The following MRC2 variants were observed in gnomAD, a reference collection of about 807,000 sequenced individuals.
MRC2 encodes the protein C-type mannose receptor 2.
MRC2 carries 84 observed loss-of-function variants against 206.2 expected under a neutral mutation model. The ratio of observed to expected loss-of-function variants is 0.41; its 90% CI spans 0.34 to 0.49. MRC2 has a LOEUF of 0.49. MRC2 is among the 20% of genes least tolerant of loss of function. The pLI is 0.31. For synonymous variants in MRC2, 798 were observed against 800.0 expected (o/e 1.00, Z 0.04); for missense variants, 1,676 against 2,001.5 (o/e 0.84, Z 3.10).
At chr17:62,630,281 CATTT>C (rs1312466216) in intron 1 of MRC2, among the ~76,000 whole-genome samples, 3 of 152,200 alleles carry the variant, frequency 2.0e-5, no homozygotes, top group African/African-American at 7.2e-5. Context: ...GTTCCCATTT[CATTT>C]TGATAACAAC....
In MRC2 at chr17:62,688,956, C is replaced by G. The variant is rs766792679; in HGVS notation, c.3330C>G (p.Gly1110=). Residue 1110 remains glycine, a synonymous_variant, in exon 23 of 30, where the codon GGC becomes GGG. Coordinates refer to ENST00000303375, the MANE Select transcript of MRC2 (RefSeq NM_006039.5). ...CCCATGGCTTCATCTGCCAGAAGGG[C>G]ACGGGTATGTGTCACCAGTCACCTG... ...EETHGFICQK[G]TDPSLSPSPA... 9.9e-6 allele frequency: 16 copies of G among 1,613,064 alleles called. No homozygotes were observed. In the South Asian group the frequency reaches 1.7e-4, roughly 17 times the overall value.
At chr17:62,690,817 C>A in intron 27 of MRC2, 56 bp downstream of exon 27, 2 of 1,528,500 alleles carry the variant, frequency 1.3e-6, no homozygotes, top group Non-Finnish European at 1.8e-6. Flanking sequence ...AAGGGGCTGC[C>A]CTCCACTTTG....
chr17:62,687,263 C>T (rs1035232546), intron 20 of MRC2, among the ~76,000 whole-genome samples: 6 of 152,136 alleles, frequency 3.9e-5, no homozygotes, highest in Non-Finnish European at 7.3e-5. Context: ...TGGGTTCAAG[C>T]GATTCTCCTG....
chr17:62,665,502 A>G (rs2088740825), intron 2 of MRC2, among the ~76,000 whole-genome samples: 1 of 152,188 alleles, frequency 6.6e-6, no homozygotes, highest in Non-Finnish European at 1.5e-5. Flanking sequence ...ACATGCTTGT[A>G]AAGTCTTCAA....
chr17:62,683,925 T>G (rs921283810), intron 20 of MRC2: 20 of 151,966 alleles, frequency 1.3e-4, no homozygotes, highest in African/African-American at 4.8e-4. Flanking sequence ...TGGCAGCACA[T>G]GTACAAAAAG....
intron 20 of MRC2, chr17:62,683,949 A>C (rs1160875835): frequency 6.6e-6 from 1 of 152,204 alleles, no homozygotes; most frequent in East Asian, 1.9e-4. Context: ...AACAATACAG[A>C]GAAGATTAGC....
In MRC2 at chr17:62,667,576, G is replaced by T; in HGVS notation, c.1117+43G>T. The T allele has an allele frequency of 6.4e-7, 1 of 1,561,556 alleles. No homozygotes were observed. The highest frequency in any genetic ancestry group is 8.6e-7 in the Non-Finnish European group (1 of 1,164,024). ...CCGCAGGGTGGGGAGGGGCTCCCAG[G>T]GCCAGGGACACAGCCACAGAGCCGT... On this transcript the variant is annotated intron_variant, in intron 6 of 29. Transcript: ENST00000303375. The surrounding 1 kb of genome is among the most constrained non-coding windows in gnomAD (Gnocchi z 4.1).
chr17:62,667,604 C>T lies in MRC2; in HGVS notation c.1117+71C>T. On this transcript the variant is annotated intron_variant, in intron 6 of 29. Transcript: ENST00000303375. The surrounding 1 kb of genome is among the most constrained non-coding windows in gnomAD (Gnocchi z 4.1). ...CAGGGACACAGCCACAGAGCCGTGG[C>T]AGGCCCAGCCTCTCCTCCGGTTACC... 1.3e-6 allele frequency: 2 copies of T among 1,502,040 alleles called. No homozygotes were observed. Among genetic ancestry groups the T allele is most frequent in the Non-Finnish European group, 8.8e-7 (1 of 1,132,340 alleles). 93.0% of individuals were successfully genotyped at this position (1,502,040 alleles called of 1,614,324 possible).
chr17:62,680,957 GA>G lies in MRC2; in HGVS notation c.2633del (p.Lys878SerfsTer31). ...ELDFLSHNLQ[K>X]FSRAQEQHWW... ...TAGACTTCCTGAGCCACAACTTGCA[GA>G]AGGTGGGCATTGGATTGAGCAGGGG... On this transcript the variant is annotated frameshift_variant and splice_region_variant, in exon 17 of 30. Transcript: ENST00000303375. LOFTEE classifies it high-confidence loss of function. The surrounding 1 kb of genome is among the most constrained non-coding windows in gnomAD (Gnocchi z 4.8). 1 of 1,612,906 alleles carries G rather than the reference GA, an allele frequency of 6.2e-7. No homozygotes were observed. The highest frequency in any genetic ancestry group is 8.5e-7 in the Non-Finnish European group (1 of 1,179,748).
At chr17:62,634,333 C>T (rs2088284944) in intron 1 of MRC2, among the ~76,000 whole-genome samples, 3 of 151,872 alleles carry the variant, frequency 2.0e-5, no homozygotes, top group Admixed American at 2.0e-4. Context: ...TGGAGTCTCA[C>T]TCTGTTGCCC....
In MRC2 at chr17:62,689,659, G is replaced by A. The variant is rs376905774; in HGVS notation, c.3472G>A (p.Ala1158Thr). ...CCTCCTGCTGTGTGAGAGCCGCAAT[G>A]CCAGCCTGGCCTACGTGCCCGACCC... is the stretch of plus-strand genomic sequence containing the variant. ...DALLLCESRN[A>T]SLAYVPDPYT... The change falls in exon 24 of 30, where the codon GCC becomes ACC. Residue 1158 changes from alanine (A) to threonine (T), a missense_variant. By Grantham distance (58) the Ala-to-Thr change is moderately conservative. Transcript: ENST00000303375. 2.6e-5 allele frequency: 42 copies of A among 1,593,616 alleles called. No homozygotes were observed. The East Asian group carries it at 3.4e-4, about 13-fold the overall frequency.
rs770737079 is a variant in MRC2, at chr17:62,690,730, C to T, written c.3981C>T (p.Gly1327=). The change falls in exon 27 of 30, where the codon GGC becomes GGT. Residue 1327 remains glycine, a synonymous_variant. Coordinates refer to ENST00000303375, the MANE Select transcript of MRC2 (RefSeq NM_006039.5). ...HLQSYEGQSR[G]AWLGMNFNPK... Reference sequence around the variant, plus strand: ...AGAGCTATGAGGGCCAGAGTCGGGGCGCCTGGCTGGGCATGAACTTCAACC... The same window carrying T: ...AGAGCTATGAGGGCCAGAGTCGGGGTGCCTGGCTGGGCATGAACTTCAACC... The T allele has an allele frequency of 1.2e-5, 20 of 1,611,254 alleles. No homozygotes were observed. Among genetic ancestry groups the T allele is most frequent in the African/African-American group, 1.1e-4 (8 of 74,828 alleles).
chr17:62,645,497 T>TTATATATATATA (rs1201996433), intron 1 of MRC2, among the ~76,000 whole-genome samples: 3 of 93,822 alleles, frequency 3.2e-5, no homozygotes, highest in African/African-American at 1.2e-4. Context: ...TGTGTATATA[T>TTATATATATATA]TATATATATA....
chr17:62,628,261 T>G (rs1324495743), intron 1 of MRC2, among the ~76,000 whole-genome samples: 1 of 151,938 alleles, frequency 6.6e-6, no homozygotes, highest in African/African-American at 2.4e-5. Context: ...CGCCGGCCCG[T>G]CCTCGGCAGG....
intron 2 of MRC2, among the ~76,000 whole-genome samples, chr17:62,665,657 G>A (rs150715094): frequency 3.7e-4 from 57 of 152,300 alleles, no homozygotes; most frequent in East Asian, 3.1e-3. Flanking sequence ...CACCATGTGA[G>A]GGGCTGGCCT....
rs142769371 is a variant in MRC2, at chr17:62,671,683, G to A, written c.1152G>A (p.Pro384=). 8.7e-5 allele frequency: 139 copies of A among 1,604,364 alleles called. No homozygotes were observed. The highest frequency in any genetic ancestry group is 1.1e-4 in the Non-Finnish European group (128 of 1,174,878). ...RWANVKVECE[P]SWQPFQGHCY... ...CCAATGTGAAGGTGGAGTGCGAGCC[G>A]AGCTGGCAGCCCTTCCAGGGCCACT... The change falls in exon 7 of 30, where the codon CCG becomes CCA. Residue 384 remains proline (P), a synonymous_variant. Coordinates refer to ENST00000303375, the MANE Select transcript of MRC2 (RefSeq NM_006039.5). This position sits in a 1 kb window ranked among gnomAD's most constrained non-coding sequence, Gnocchi z 4.5.
chr17:62,663,342 C>T (rs1815834058), intron 1 of MRC2, among the ~76,000 whole-genome samples: 1 of 152,054 alleles, frequency 6.6e-6, no homozygotes, highest in Admixed American at 6.6e-5. Flanking sequence ...ACATAACTCA[C>T]ATATAGAATT....
At position 62,683,343 on chromosome 17, in the gene MRC2, C is replaced by T. The variant is rs574802247; in HGVS notation, c.2946+966C>T. On this transcript the variant is annotated intron_variant, in intron 20 of 29. Coordinates refer to ENST00000303375, the MANE Select transcript of MRC2 (RefSeq NM_006039.5). ...ATTAGCTGAGTGTGGTGGCACATGCCTGTAATCCCAGCTACTCGGGAGGAT... is the reference window on the plus strand; with the variant it reads ...ATTAGCTGAGTGTGGTGGCACATGCTTGTAATCCCAGCTACTCGGGAGGAT... 1.8e-3 allele frequency among the ~76,000 whole-genome samples: 278 copies of T among 151,950 alleles called. 3 individuals are homozygous for T. The highest frequency in any genetic ancestry group is 6.3e-3 in the African/African-American group (260 of 41,440).
intron 1 of MRC2, among the ~76,000 whole-genome samples, chr17:62,628,465 A>G (rs1398960188): frequency 1.3e-5 from 2 of 151,980 alleles, no homozygotes; most frequent in African/African-American, 4.8e-5. Context: ...TTAGTCTTCA[A>G]GGAGGCTTGT....
Sources: allele counts gnomAD v4.1 joint callset (sites outside exome capture counted in the v4.1 genomes callset), GRCh38; gene constraint gnomAD v4.1.1; non-coding constraint Gnocchi (gnomAD v3.1); transcripts MANE v1.5; gene names NCBI Gene and HGNC (gene_info 2026-07-23, HGNC 2026-07-21).